Variants in IMPG1 observed in about 807,000 individuals in gnomAD.
IMPG1 encodes the protein interphotoreceptor matrix proteoglycan 1.
A neutral mutation model predicts 92.0 loss-of-function variants in IMPG1; 85 were observed. The ratio of observed to expected loss-of-function variants is 0.92; its 90% CI spans 0.78 to 1.11. The LOEUF is 1.11. Among genes scored for constraint, IMPG1 ranks in the 50% least tolerant of loss-of-function variants. The pLI is 0.00. For missense variants in IMPG1, 1,022 were observed against 956.0 expected (o/e 1.07, Z -0.91); for synonymous variants, 367 against 334.1 (o/e 1.10, Z -1.08).
At chr6:75,956,924 CTTTTTTA>C (rs1782134352) in intron 12 of IMPG1, among the ~76,000 whole-genome samples, 1 of 151,532 alleles carries the variant, frequency 6.6e-6, no homozygotes, top group Admixed American at 6.6e-5. Context: ...TTCTTTTTTT[CTTTTTTA>C]TTTTTTGAGA....
chr6:75,924,678 T>G (rs369677406), intron 15 of IMPG1, among the ~76,000 whole-genome samples: 1,560 of 2,906 alleles, frequency 0.54, 668 homozygotes, highest in Middle Eastern at 1. Flanking sequence ...AATTATATAT[T>G]ATATATTATA....
chr6:75,951,223 A>ATTTTTT, intron 12 of IMPG1, 129 bp from the exon 13 acceptor site: 1 of 581,898 alleles, frequency 1.7e-6, no homozygotes, highest in Non-Finnish European at 2.9e-6. Flanking sequence ...TTCAATAGTC[A>ATTTTTT]TTTTTTTTTT....
chr6:76,047,796 C>T (rs1247887915), intron 1 of IMPG1, among the ~76,000 whole-genome samples: 8 of 152,012 alleles, frequency 5.3e-5, no homozygotes, highest in Non-Finnish European at 1.0e-4. Flanking sequence ...CATGTCTTGC[C>T]CGCATCCATT....
chr6:76,026,991 C>G (rs184053089), intron 4 of IMPG1, among the ~76,000 whole-genome samples: 7 of 152,296 alleles, frequency 4.6e-5, no homozygotes, highest in Admixed American at 2.0e-4. Context: ...AGGTTTTCTT[C>G]TGCCTCTCTG....
Position 76,022,176 on chromosome 6 carries a change from A to G in IMPG1, c.606T>C (p.Asp202=). 6.3e-7 allele frequency: 1 copy of G among 1,598,030 alleles called. No homozygotes were observed. The highest frequency in any genetic ancestry group is 8.6e-7 in the Non-Finnish European group (1 of 1,168,844). ...VSLGPFPLTP[D]DTLLNEILDN... ...CGAGAATTTCATTGAGGAGGGTGTC[A>G]TCAGGAGTGAGAGGGAAAGGCCCAA... Residue 202 remains aspartate, a synonymous_variant, in exon 6 of 17, where the codon GAT becomes GAC. Transcript: ENST00000369950.
chr6:76,052,504 T>A (rs1444173316), intron 1 of IMPG1, among the ~76,000 whole-genome samples: 1 of 152,164 alleles, frequency 6.6e-6, no homozygotes, highest in Non-Finnish European at 1.5e-5. Flanking sequence ...TTCCTGCAAG[T>A]TGAGAACTAT....
In IMPG1 at chr6:75,974,451, T is replaced by TCCTTCCTTCCTTCCTC. The variant is rs1224036118; in HGVS notation, c.1292-23358_1292-23357insGAGGAAGGAAGGAAGG. On this transcript the variant is annotated intron_variant, in intron 12 of 16. Coordinates refer to ENST00000369950, the MANE Select transcript of IMPG1 (RefSeq NM_001563.4). The stretch of plus-strand genomic sequence containing the variant: ...TTGCTTCCTTCCTTCCTTCCTTCCT[T>TCCTTCCTTCCTTCCTC]CTTTCTTCTTTCTTTCTTTCTTTTT... Among the ~76,000 whole-genome samples, 160 of 133,132 alleles carry TCCTTCCTTCCTTCCTC rather than the reference T, an allele frequency of 1.2e-3. 1 individual carries two copies. The highest frequency in any genetic ancestry group is 3.1e-3 in the South Asian group (12 of 3,840). 87.3% of individuals were successfully genotyped at this position (133,132 alleles called of 152,430 possible). A position where few individuals can be genotyped will look rare whatever the true frequency, so the allele number is the denominator to read the frequency against.
intron 7 of IMPG1, among the ~76,000 whole-genome samples, chr6:76,017,193 C>T (rs898689337): frequency 9.1e-5 from 11 of 121,312 alleles, no homozygotes; most frequent in Non-Finnish European, 1.9e-4. Flanking sequence ...TATGGTGAGG[C>T]TCAAAAAAAA....
At chr6:76,029,050 C>G (rs1253844602) in intron 4 of IMPG1, among the ~76,000 whole-genome samples, 1 of 152,216 alleles carries the variant, frequency 6.6e-6, no homozygotes, top group African/African-American at 2.4e-5. Flanking sequence ...GTATGCTTCC[C>G]TTTAAGGAGT....
chr6:75,922,244 A>G lies in IMPG1; in HGVS notation c.2317-78T>C, dbSNP rs144979533. The stretch of plus-strand genomic sequence containing the variant: ...AATGGTTCATTCCAATATTACTGCC[A>G]CTGGTAGATAAGAGGATGTGCTTGC... On this transcript the variant is annotated intron_variant, in intron 16 of 16. Coordinates refer to ENST00000369950, the MANE Select transcript of IMPG1 (RefSeq NM_001563.4). 611 of 645,282 alleles carry G rather than the reference A, an allele frequency of 9.5e-4. 5 individuals are homozygous for G. The East Asian group carries it at 0.015, about 16-fold the overall frequency. The allele number at this position is 645,282 out of a possible 1,614,324, so 40.0% of individuals were successfully genotyped here.
chr6:75,924,643 A>C (rs368603251), intron 15 of IMPG1, among the ~76,000 whole-genome samples: 1,316 of 9,940 alleles, frequency 0.13, 425 homozygotes, highest in South Asian at 0.28. Flanking sequence ...TATTATATAT[A>C]ATTAATTATA....
chr6:76,068,324 G>C (rs980256067), intron 1 of IMPG1, among the ~76,000 whole-genome samples: 3 of 152,044 alleles, frequency 2.0e-5, no homozygotes, highest in African/African-American at 7.2e-5. Flanking sequence ...AGATTTGACA[G>C]ATGAACTCAG....
chr6:75,923,610 C>G (rs1358316904), intron 16 of IMPG1, 24 bp downstream of exon 16: 12 of 1,220,534 alleles, frequency 9.8e-6, no homozygotes, highest in African/African-American at 1.5e-5. Flanking sequence ...GTAATTGCAA[C>G]CAACTTAGAA....
chr6:76,020,100 G>A (rs1783391744), intron 6 of IMPG1, among the ~76,000 whole-genome samples: 1 of 151,892 alleles, frequency 6.6e-6, no homozygotes, highest in Non-Finnish European at 1.5e-5. Flanking sequence ...TGTCACCCAG[G>A]CTGGAGTGCA....
At chr6:75,967,997 G>A (rs1230619044) in intron 12 of IMPG1, among the ~76,000 whole-genome samples, 1 of 152,188 alleles carries the variant, frequency 6.6e-6, no homozygotes, top group African/African-American at 2.4e-5. Flanking sequence ...GAATGGAGAC[G>A]CTGTGGGATA....
rs749677008 is a variant in IMPG1 at position 75,950,938 on chromosome 6, G to C, written c.1448C>G (p.Thr483Ser). The C allele has an allele frequency of 6.2e-6, 10 of 1,613,992 alleles. No homozygotes were observed. The Admixed American group carries it at 1.7e-4, about 27-fold the overall frequency. Residue 483 changes from threonine to serine, a missense_variant, in exon 13 of 17, where the codon ACC becomes AGC. Physicochemically the swap from Thr to Ser is moderately conservative, Grantham distance 58 (BLOSUM62 1). Transcript: ENST00000369950. ...TMLVPGLTIPTSDYSAISQLA... is the reference protein window; with the variant it reads ...TMLVPGLTIPSSDYSAISQLA... Reference sequence around the variant, plus strand: ...TTGGCTGATTGCAGAATAATCACTGGTGGGGATGGTGAGCCCTGGTACTAG... The same window carrying C: ...TTGGCTGATTGCAGAATAATCACTGCTGGGGATGGTGAGCCCTGGTACTAG...
At chr6:76,047,551 T>C (rs1783967883) in intron 1 of IMPG1, among the ~76,000 whole-genome samples, 1 of 152,220 alleles carries the variant, frequency 6.6e-6, no homozygotes, top group Admixed American at 6.5e-5. Flanking sequence ...TGTAAATATA[T>C]GAGTTTCTCC....
chr6:76,047,265 T>C (rs1249416352), intron 1 of IMPG1, among the ~76,000 whole-genome samples: 1 of 152,198 alleles, frequency 6.6e-6, no homozygotes, highest in East Asian at 1.9e-4. Context: ...GCCCTTCTCT[T>C]CCTTCTCTGT....
intron 14 of IMPG1, among the ~76,000 whole-genome samples, chr6:75,937,696 T>C (rs904751109): frequency 2.0e-5 from 3 of 152,210 alleles, no homozygotes; most frequent in Non-Finnish European, 2.9e-5. Flanking sequence ...GAGTGACATA[T>C]ACCACTTTTT....
Sources: allele counts gnomAD v4.1 joint callset (sites outside exome capture counted in the v4.1 genomes callset), GRCh38; gene constraint gnomAD v4.1.1; transcripts MANE v1.5; gene names NCBI Gene and HGNC (gene_info 2026-07-23, HGNC 2026-07-21).